The following SLTM variants were observed in gnomAD, a reference collection of about 807,000 sequenced individuals.
SLTM encodes the protein SAFB-like transcription modulator.
A neutral mutation model predicts 134.6 loss-of-function variants in SLTM; 43 were observed. The ratio of observed to expected loss-of-function variants is 0.32; its 90% CI spans 0.25 to 0.41. The LOEUF is 0.41. Among genes scored for constraint, SLTM ranks in the 10% least tolerant of loss-of-function variants. The probability of loss-of-function intolerance (pLI) is 1.00; values close to 1 mark genes in which losing one functional copy is unlikely to be tolerated. For synonymous variants in SLTM, 424 were observed against 432.3 expected, an observed-to-expected ratio of 0.98 and a Z score of 0.24; for missense variants, 1,055 against 1,288.8, an observed-to-expected ratio of 0.82 and a Z score of 2.78.
chr15:58,921,865 T>C lies in SLTM; in HGVS notation c.251-4866A>G, dbSNP rs2037071828. 4.6e-5 allele frequency among the ~76,000 whole-genome samples: 7 copies of C among 152,202 alleles called. No homozygotes were observed. The South Asian group carries it at 1.0e-3, about 23-fold the overall frequency. ...ATCTCAACTCACTGCAACCTCCGCC[T>C]CCCAGGTTCAAGCGATTCTCATGCC... On this transcript the variant is annotated intron_variant, in intron 2 of 20. Coordinates refer to ENST00000380516, the MANE Select transcript of SLTM (RefSeq NM_024755.4).
At chr15:58,898,880 T>G (rs372319584) in intron 7 of SLTM, 28 bp from the exon 8 acceptor site, 42 of 1,588,522 alleles carry the variant, frequency 2.6e-5, no homozygotes, top group Non-Finnish European at 3.6e-5. Context: ...CAGAAGAAAA[T>G]TGAAAACAAA....
Position 58,899,581 on chromosome 15 carries a change from G to C in SLTM, c.946C>G (p.Pro316Ala). The part of the protein sequence containing the change: ...GKKEDCVKGD[P>A]VEKEARESSK... ...CTTTCTCTGGCTTCCTTCTCGACAG[G>C]GTCACCCTTCACGCAGTCTTCCTTC... The change falls in exon 7 of 21, where the codon CCT becomes GCT. Residue 316 changes from proline to alanine, a missense_variant. Physicochemically the swap from Pro to Ala is conservative, Grantham distance 27. This residue lies in a region of SLTM where 776 missense variants were observed against 962.2 expected (regional missense o/e 0.81). Transcript: ENST00000380516. The surrounding 1 kb of genome is among the most constrained non-coding windows in gnomAD (Gnocchi z 5.0). 1 of 1,614,018 alleles carries C rather than the reference G, an allele frequency of 6.2e-7. No individual in the cohort carries two copies. Among genetic ancestry groups the C allele is most frequent in the South Asian group, 1.1e-5 (1 of 91,070 alleles).
chr15:58,902,584 G>T (rs2035562293), intron 5 of SLTM, among the ~76,000 whole-genome samples: 1 of 151,616 alleles, frequency 6.6e-6, no homozygotes, highest in South Asian at 2.1e-4. Context: ...TGGAGACGAG[G>T]TCTTGCTATG....
In SLTM at chr15:58,933,410, G is replaced by T. The variant is rs746594766; in HGVS notation, c.156C>A (p.Leu52=). ...GGTCCTCGCCGGGCCTCACCTGCTT[G>T]AGTCGGGAGATGAGCACGGTCTTGA... ...TGVKTVLISR[L]KQAIEEEGGD... Residue 52 remains leucine, a synonymous_variant, in exon 1 of 21, where the codon CTC becomes CTA. Coordinates refer to ENST00000380516, the MANE Select transcript of SLTM (RefSeq NM_024755.4). The T allele has an allele frequency of 1.3e-6, 2 of 1,578,488 alleles. No individual in the cohort carries two copies. The highest frequency in any genetic ancestry group is 1.7e-6 in the Non-Finnish European group (2 of 1,162,610).
intron 9 of SLTM, among the ~76,000 whole-genome samples, chr15:58,895,777 A>C (rs77622115): frequency 0.069 from 10,496 of 152,256 alleles, 370 homozygotes; most frequent in African/African-American, 0.085. Context: ...CTATCATGGG[A>C]CTACAATTCT....
At chr15:58,897,014 T>G (rs1465213799) in intron 9 of SLTM, 101 bp downstream of exon 9, 3 of 730,074 alleles carry the variant, frequency 4.1e-6, no homozygotes, top group South Asian at 1.7e-5. Flanking sequence ...TCCTAAGAGA[T>G]ACAATAAATT....
chr15:58,893,777 T>C, intron 12 of SLTM, 44 bp downstream of exon 12: 5 of 1,553,356 alleles, frequency 3.2e-6, no homozygotes, highest in Non-Finnish European at 4.3e-6. Flanking sequence ...AAAAATTAAG[T>C]AGTAGAATGC....
Position 58,933,663 on chromosome 15 carries a change from G to A in SLTM, c.-98C>T, listed in dbSNP as rs558472533. ...AGGCCTCGGCGGCCGCCGGCGCCGC[G>A]CAGCGCTGCGCACAATGAGCCGCTG... On this transcript the variant is annotated 5_prime_UTR_variant, in exon 1 of 21. Transcript: ENST00000380516. The A allele has an allele frequency of 1.2e-4, 167 of 1,345,956 alleles. No homozygotes were observed. Among genetic ancestry groups the A allele is most frequent in the Non-Finnish European group, 1.4e-4 (151 of 1,052,776 alleles). The allele number at this position is 1,345,956 out of a possible 1,614,324, so 83.4% of individuals were successfully genotyped here.
At chr15:58,909,872 T>C (rs1213138273) in intron 5 of SLTM, among the ~76,000 whole-genome samples, 2 of 152,236 alleles carry the variant, frequency 1.3e-5, no homozygotes, top group Admixed American at 6.5e-5. Context: ...GATGCCTGTT[T>C]TTGCCAACCC....
rs530897011 is a variant in SLTM at position 58,886,169 on chromosome 15, T to C, written c.2835+806A>G. On this transcript the variant is annotated intron_variant, in intron 19 of 20. Transcript: ENST00000380516. ...AGACAAAAAATAGACAAAAGTTCTA[T>C]TTCAATTTTACACTTTAAGCTACTT... Among the ~76,000 whole-genome samples, 4 of 151,856 alleles carry C rather than the reference T, an allele frequency of 2.6e-5. No individual in the cohort carries two copies. The East Asian group carries it at 5.8e-4, about 22-fold the overall frequency.
Position 58,899,865 on chromosome 15 carries a change from G to A in SLTM, c.662C>T (p.Ala221Val). 1.2e-6 allele frequency: 2 copies of A among 1,614,046 alleles called. No homozygotes were observed. Among genetic ancestry groups the A allele is most frequent in the Non-Finnish European group, 1.7e-6 (2 of 1,179,990 alleles). ...PLPSEGSLAEADHTAHEEMEA... is the reference protein window; with the variant it reads ...PLPSEGSLAEVDHTAHEEMEA... ...CATCTCTTCATGAGCTGTGTGATCAGCCTCAGCTAGGCTCCCTTCTGAAGG... is the reference window on the plus strand; with the variant it reads ...CATCTCTTCATGAGCTGTGTGATCAACCTCAGCTAGGCTCCCTTCTGAAGG... Residue 221 changes from alanine to valine, a missense_variant, in exon 7 of 21, where the codon GCT (alanine) becomes GTT (valine). Physicochemically the swap from Ala to Val is moderately conservative, Grantham distance 64 (BLOSUM62 0). Around this residue, in one of 3 missense-constraint regions of SLTM, gnomAD observed 268 missense variants for 284.3 expected, o/e 0.94. Transcript: ENST00000380516. The surrounding 1 kb of genome is among the most constrained non-coding windows in gnomAD (Gnocchi z 5.0).
intron 20 of SLTM, among the ~76,000 whole-genome samples, chr15:58,882,897 C>CT (rs2033858682): frequency 6.6e-6 from 1 of 152,210 alleles, no homozygotes; most frequent in Non-Finnish European, 1.5e-5. Flanking sequence ...TGTTAAATGT[C>CT]TAAAAGCCTT....
chr15:58,921,786 T>C (rs1887597149), intron 2 of SLTM, among the ~76,000 whole-genome samples: 1 of 152,106 alleles, frequency 6.6e-6, no homozygotes, highest in African/African-American at 2.4e-5. Flanking sequence ...TTTCTTTTTT[T>C]CTTTTTGGAG....
chr15:58,930,490 T>C (rs2037798856), intron 2 of SLTM, among the ~76,000 whole-genome samples: 1 of 151,806 alleles, frequency 6.6e-6, no homozygotes, highest in African/African-American at 2.4e-5. Context: ...AGTTATGGAA[T>C]AAAGTTCAAG....
At chr15:58,884,738 TCTC>T (rs1459241041) in intron 19 of SLTM, among the ~76,000 whole-genome samples, 1 of 152,024 alleles carries the variant, frequency 6.6e-6, no homozygotes, top group Non-Finnish European at 1.5e-5. Context: ...CTCAAGCAAT[TCTC>T]CTGCTTCAGC....
intron 19 of SLTM, among the ~76,000 whole-genome samples, chr15:58,885,156 G>C (rs2034076444): frequency 6.6e-6 from 1 of 152,144 alleles, no homozygotes; most frequent in African/African-American, 2.4e-5. Flanking sequence ...TAGTGCTATG[G>C]CACTTACAAG....
intron 5 of SLTM, among the ~76,000 whole-genome samples, chr15:58,907,578 G>A (rs1399128737): frequency 6.6e-5 from 10 of 152,034 alleles, no homozygotes; most frequent in African/African-American, 1.2e-4. Flanking sequence ...GGGAGATCGC[G>A]TCGCCACACT....
rs140925934 is a variant in SLTM at position 58,892,405 on chromosome 15, T to C, written c.1898+492A>G. On this transcript the variant is annotated intron_variant, in intron 14 of 20. Transcript: ENST00000380516. ...AAATCTTCCTTCTCTTAGGCACTAA[T>C]GCAAACAATAAATTTTTGCTAAATT... is the stretch of plus-strand genomic sequence containing the variant. Among the ~76,000 whole-genome samples, 398 of 152,368 alleles carry C rather than the reference T, an allele frequency of 2.6e-3. 3 individuals are homozygous for C. The highest frequency in any genetic ancestry group is 9.0e-3 in the African/African-American group (376 of 41,590).
At chr15:58,897,692 C>T (rs916503577) in intron 8 of SLTM, 12 of 152,588 alleles carry the variant, frequency 7.9e-5, no homozygotes, top group Admixed American at 2.6e-4. Context: ...CAAAGACGAA[C>T]CAACTGGTAC....
Sources: allele counts gnomAD v4.1 joint callset (sites outside exome capture counted in the v4.1 genomes callset), GRCh38; gene constraint gnomAD v4.1.1; regional missense constraint gnomAD v4.1.1; non-coding constraint Gnocchi (gnomAD v3.1); transcripts MANE v1.5; gene names NCBI Gene and HGNC (gene_info 2026-07-23, HGNC 2026-07-21).